The following GARRE1 variants were observed in gnomAD, a reference collection of about 807,000 sequenced individuals.
GARRE1 encodes the protein granule associated Rac and RHOG effector 1, also known as granule associated Rac and RHOG effector protein 1.
Under a neutral mutation model 103.2 loss-of-function variants are expected in GARRE1, and 49 were observed. The observed-to-expected ratio is 0.47, with a 90% CI of 0.38 to 0.60. The LOEUF (loss-of-function observed/expected upper bound fraction) is 0.60, where lower values mean the gene tolerates loss of function less well. GARRE1 is among the 20% of genes least tolerant of loss of function. GARRE1 has a pLI of 0.00. For synonymous variants in GARRE1, 505 were observed against 532.8 expected (o/e 0.95, Z 0.72); for missense variants, 1,199 against 1,370.5 (o/e 0.87, Z 1.98).
At position 34,300,396 on chromosome 19, in the gene GARRE1, A is replaced by C; in HGVS notation, c.-78A>C. The C allele has an allele frequency of 6.8e-7, 1 of 1,477,758 alleles. No homozygotes were observed. 91.5% of individuals were successfully genotyped at this position (1,477,758 alleles called of 1,614,324 possible). ...CGATTTGCAGAACTCCACTATTTTT[A>C]TACCTAGCTACAGTTTTGAGAAAGA... is the stretch of plus-strand genomic sequence containing the variant. On this transcript the variant is annotated 5_prime_UTR_variant, in exon 2 of 14. Coordinates refer to ENST00000299505, the MANE Select transcript of GARRE1 (RefSeq NM_014686.5).
At chr19:34,327,205 G>A (rs1486168333) in intron 3 of GARRE1, among the ~76,000 whole-genome samples, 1 of 151,464 alleles carries the variant, frequency 6.6e-6, no homozygotes, top group Non-Finnish European at 1.5e-5. Context: ...AAAATAAAGG[G>A]AAATTTCCTT....
At chr19:34,276,251 C>T (rs1489671812) in intron 1 of GARRE1, among the ~76,000 whole-genome samples, 1 of 152,074 alleles carries the variant, frequency 6.6e-6, no homozygotes, top group Non-Finnish European at 1.5e-5. Context: ...CCATGTTGAC[C>T]AGGCTGGTCT....
In GARRE1 at chr19:34,328,094, C is replaced by T; in HGVS notation, c.1047C>T (p.His349=). Residue 349 remains histidine (H), a synonymous_variant, in exon 6 of 14, where the codon CAC becomes CAT. Coordinates refer to ENST00000299505, the MANE Select transcript of GARRE1 (RefSeq NM_014686.5). Reference sequence around the variant, plus strand: ...CCGTCCCTGTGCAGATAGGATCGCACTTCCTGAAGGGCGTCTCCTTTAATG... The same window carrying T: ...CCGTCCCTGTGCAGATAGGATCGCATTTCCTGAAGGGCGTCTCCTTTAATG... ...LPTVPVQIGS[H]FLKGVSFNES... 6.2e-7 allele frequency: 1 copy of T among 1,614,202 alleles called. No individual in the cohort carries two copies. Among genetic ancestry groups the T allele is most frequent in the Non-Finnish European group, 8.5e-7 (1 of 1,180,036 alleles).
Position 34,332,528 on chromosome 19 carries a change from C to A in GARRE1, c.1264-1176C>A, listed in dbSNP as rs186574840. Among the ~76,000 whole-genome samples, 627 of 151,906 alleles carry A rather than the reference C, an allele frequency of 4.1e-3. 22 individuals carry two copies. Among genetic ancestry groups the A allele is most frequent in the Admixed American group, 0.037 (562 of 15,284 alleles). Reference sequence around the variant, plus strand: ...TTCCTTGCGTCTTGATTGTAGGACACATTTCTGTGTGACTTTAGGTTATGG... The same window carrying A: ...TTCCTTGCGTCTTGATTGTAGGACAAATTTCTGTGTGACTTTAGGTTATGG... On this transcript the variant is annotated intron_variant, in intron 7 of 13. Transcript: ENST00000299505.
At chr19:34,348,285 A>G (rs1030273315) in intron 11 of GARRE1, 1 of 354,538 alleles carries the variant, frequency 2.8e-6, no homozygotes, top group Non-Finnish European at 5.0e-6. Flanking sequence ...ATGATTTTCA[A>G]AACAGACTCT....
chr19:34,342,356 C>A lies in GARRE1; in HGVS notation c.2422C>A (p.Gln808Lys), dbSNP rs761741035. 1 of 1,614,042 alleles carries A rather than the reference C, an allele frequency of 6.2e-7. No individual in the cohort carries two copies. The highest frequency in any genetic ancestry group is 1.3e-5 in the African/African-American group (1 of 74,916). Residue 808 changes from glutamine (Q) to lysine (K), a missense_variant, in exon 10 of 14, where the codon CAG becomes AAG. By Grantham distance (53) the Gln-to-Lys change is moderately conservative. Coordinates refer to ENST00000299505, the MANE Select transcript of GARRE1 (RefSeq NM_014686.5). ...MDNVMSEVLG[Q>K]KPQGPRNNTW... Reference sequence around the variant, plus strand: ...TAATGTGATGTCAGAGGTTCTGGGACAGAAGCCGCAGGGACCTAGAAATAA... The same window carrying A: ...TAATGTGATGTCAGAGGTTCTGGGAAAGAAGCCGCAGGGACCTAGAAATAA...
chr19:34,322,337 A>G (rs577868828), intron 3 of GARRE1, among the ~76,000 whole-genome samples: 1 of 151,762 alleles, frequency 6.6e-6, no homozygotes, highest in Admixed American at 6.5e-5. Flanking sequence ...ACGCCTGGCT[A>G]ATTTTTGTAT....
chr19:34,281,379 C>G (rs1188784818), intron 1 of GARRE1, among the ~76,000 whole-genome samples: 1 of 152,216 alleles, frequency 6.6e-6, no homozygotes, highest in East Asian at 1.9e-4. Flanking sequence ...CAACCTCTGC[C>G]TCCCGGGTTC....
intron 1 of GARRE1, among the ~76,000 whole-genome samples, chr19:34,259,026 GGT>G (rs2073695506): frequency 1.3e-5 from 2 of 152,162 alleles, no homozygotes; most frequent in Admixed American, 1.3e-4. Context: ...AAATTATCTA[GGT>G]GTGGTGGTCC....
At chr19:34,259,970 C>T (rs2073705504) in intron 1 of GARRE1, among the ~76,000 whole-genome samples, 1 of 152,232 alleles carries the variant, frequency 6.6e-6, no homozygotes, top group African/African-American at 2.4e-5. Context: ...GTGTTTGCTT[C>T]CCCTTCTGCC....
intron 1 of GARRE1, among the ~76,000 whole-genome samples, chr19:34,262,286 G>GTTTTTTTTTTTT (rs1280386239): frequency 1.6e-4 from 6 of 38,540 alleles, no homozygotes; most frequent in Non-Finnish European, 2.1e-4. Flanking sequence ...CCCAGCTGCT[G>GTTTTTTTTTTTT]CTTTTTTTTT....
intron 7 of GARRE1, 123 bp downstream of exon 7, chr19:34,330,470 AT>A: frequency 1.0e-6 from 1 of 967,416 alleles, no homozygotes; most frequent in Non-Finnish European, 1.5e-6. Flanking sequence ...GTGCTGTGGA[AT>A]TTAGACCAGG....
chr19:34,293,715 AAC>A (rs146336774), intron 1 of GARRE1, among the ~76,000 whole-genome samples: 22,908 of 100,296 alleles, frequency 0.23, 2,825 homozygotes, highest in East Asian at 0.58. Context: ...TAAACATATA[AAC>A]ACACACACAC....
chr19:34,296,232 G>A (rs750617852), intron 1 of GARRE1: 38 of 605,574 alleles, frequency 6.3e-5, no homozygotes, highest in Admixed American at 1.0e-4. Flanking sequence ...AGCCCGAGGG[G>A]GTCGCAGCAG....
At chr19:34,286,806 G>T (rs939106952) in intron 1 of GARRE1, among the ~76,000 whole-genome samples, 1 of 152,058 alleles carries the variant, frequency 6.6e-6, no homozygotes, top group Non-Finnish European at 1.5e-5. Context: ...CGGCCTTTGT[G>T]TATTCTTGAA....
chr19:34,305,573 CAG>C (rs2074004011), intron 2 of GARRE1, among the ~76,000 whole-genome samples: 1 of 152,206 alleles, frequency 6.6e-6, no homozygotes, highest in African/African-American at 2.4e-5. Flanking sequence ...TTGGAGGAAA[CAG>C]AGCTTGACCT....
At chr19:34,319,209 A>G (rs1044508700) in intron 2 of GARRE1, among the ~76,000 whole-genome samples, 8 of 152,182 alleles carry the variant, frequency 5.3e-5, no homozygotes, top group Non-Finnish European at 1.0e-4. Flanking sequence ...TCTTATTATA[A>G]TTACATATTC....
At position 34,343,133 on chromosome 19, in the gene GARRE1, C is replaced by A. The variant is rs147113617; in HGVS notation, c.2521+678C>A. On this transcript the variant is annotated intron_variant, in intron 10 of 13. Coordinates refer to ENST00000299505, the MANE Select transcript of GARRE1 (RefSeq NM_014686.5). ...TATTCTAAGCTTGATTAAGGGAGAA[C>A]AAAGAGAAACAAAATTAGGAAATAG... is the stretch of plus-strand genomic sequence containing the variant. Among the ~76,000 whole-genome samples, 568 of 152,150 alleles carry A rather than the reference C, an allele frequency of 3.7e-3. 3 individuals are homozygous for A. Among genetic ancestry groups the A allele is most frequent in the African/African-American group, 0.013 (537 of 41,508 alleles).
rs140196515 is a variant in GARRE1, at chr19:34,314,694, A to G, written c.496-5213A>G. The stretch of plus-strand genomic sequence containing the variant: ...CTCCCTCGTTTGTTCTAAACATAGC[A>G]TGGCACCTTTTGTATCCTGTAGGTT... On this transcript the variant is annotated intron_variant, in intron 2 of 13. Transcript: ENST00000299505. 8.1e-4 allele frequency among the ~76,000 whole-genome samples: 123 copies of G among 152,344 alleles called. 1 individual carries two copies. In the East Asian group the frequency reaches 0.022, roughly 27 times the overall value.
Sources: gnomAD v4.1 joint callset for allele counts (sites outside exome capture counted in the v4.1 genomes callset) on GRCh38, gnomAD v4.1.1 for gene constraint, MANE v1.5 for transcripts, NCBI Gene and HGNC (gene_info 2026-07-23, HGNC 2026-07-21) for gene names.